Variants in GPAT3 observed in about 807,000 individuals in gnomAD.
The protein encoded by GPAT3 is 1-AGP acyltransferase 9.
GPAT3 carries 53 observed loss-of-function variants against 58.8 expected under a neutral mutation model. The ratio of observed to expected loss-of-function variants is 0.90; its 90% CI spans 0.72 to 1.13. The LOEUF (loss-of-function observed/expected upper bound fraction) is 1.13, where lower values mean the gene tolerates loss of function less well. GPAT3 is among the 50% of genes most tolerant of loss of function. GPAT3 has a pLI of 0.00. For synonymous variants in GPAT3, 197 were observed against 187.4 expected, an observed-to-expected ratio of 1.05 and a Z score of -0.42; for missense variants, 511 against 527.6, an observed-to-expected ratio of 0.97 and a Z score of 0.31.
In GPAT3 at chr4:83,604,771, G is replaced by A; in HGVS notation, c.*4G>A. On this transcript the variant is annotated 3_prime_UTR_variant, in exon 12 of 12. Transcript: ENST00000264409. ...GGGCAATGGATCTCTCAGCTAAGAGGACGGATGACAGCCTTTAGATCTAGA... is the reference window on the plus strand; with the variant it reads ...GGGCAATGGATCTCTCAGCTAAGAGAACGGATGACAGCCTTTAGATCTAGA... The A allele has an allele frequency of 5.0e-6, 8 of 1,612,122 alleles. No individual in the cohort carries two copies. The highest frequency in any genetic ancestry group is 6.8e-6 in the Non-Finnish European group (8 of 1,178,390).
chr4:83,566,803 TTTC>T (rs1725411125), intron 2 of GPAT3, among the ~76,000 whole-genome samples: 1 of 151,818 alleles, frequency 6.6e-6, no homozygotes, highest in Non-Finnish European at 1.5e-5. Flanking sequence ...CTTTTTTTTT[TTTC>T]CCCATTTGTT....
intron 2 of GPAT3, among the ~76,000 whole-genome samples, chr4:83,558,841 A>T (rs1277432139): frequency 1.3e-5 from 2 of 152,136 alleles, no homozygotes; most frequent in Non-Finnish European, 2.9e-5. Flanking sequence ...TGGTTAAGAG[A>T]TCTGTGAATC....
intron 3 of GPAT3, among the ~76,000 whole-genome samples, chr4:83,586,914 T>C (rs1196022439): frequency 6.6e-6 from 1 of 152,238 alleles, no homozygotes; most frequent in Non-Finnish European, 1.5e-5. Context: ...CTTAACCCTT[T>C]GGTGATTATA....
rs76529127 is a variant in GPAT3, at chr4:83,553,088, A to G, written c.208+8486A>G. Among the ~76,000 whole-genome samples, 1,104 of 152,360 alleles carry G rather than the reference A, an allele frequency of 7.2e-3. 16 individuals carry two copies. The highest frequency in any genetic ancestry group is 0.025 in the African/African-American group (1,036 of 41,592). ...TACCCAGGCTATGGCACTCTGTTAT[A>G]GCAGCCTGAAGTGACTAAGGCAGTG... On this transcript the variant is annotated intron_variant, in intron 2 of 11. Transcript: ENST00000264409.
At position 83,536,353 on chromosome 4, in the gene GPAT3, C is replaced by T. The variant is rs1724082457; in HGVS notation, c.-270C>T. ...GCTCCGACCACTGGCTCGCGCTACC[C>T]AGGTCTCCGCACGCCGCGGTGGCTT... On this transcript the variant is annotated 5_prime_UTR_variant, in exon 1 of 12. Coordinates refer to ENST00000264409, the MANE Select transcript of GPAT3 (RefSeq NM_032717.5). 9.9e-6 allele frequency: 12 copies of T among 1,209,452 alleles called. No homozygotes were observed. The highest frequency in any genetic ancestry group is 1.2e-5 in the Non-Finnish European group (12 of 969,550). The allele number at this position is 1,209,452 out of a possible 1,614,324, so 74.9% of individuals were successfully genotyped here. A position where few individuals can be genotyped will look rare whatever the true frequency, so the allele number is the denominator to read the frequency against.
chr4:83,542,099 C>T (rs1724326677), intron 1 of GPAT3, among the ~76,000 whole-genome samples: 1 of 152,108 alleles, frequency 6.6e-6, no homozygotes, highest in Non-Finnish European at 1.5e-5. Context: ...CCATAACAGG[C>T]ACGGAATACC....
chr4:83,558,257 C>T (rs1318033938), intron 2 of GPAT3, among the ~76,000 whole-genome samples: 1 of 151,780 alleles, frequency 6.6e-6, no homozygotes, highest in Non-Finnish European at 1.5e-5. Flanking sequence ...GATGAATGAA[C>T]CATCAGAGAG....
At chr4:83,574,881 TG>T (rs1560617896) in intron 2 of GPAT3, among the ~76,000 whole-genome samples, 8 of 99,866 alleles carry the variant, frequency 8.0e-5, no homozygotes, top group African/African-American at 2.4e-4. Context: ...TTTTTTTTTT[TG>T]TTTTTTTTTT....
intron 2 of GPAT3, among the ~76,000 whole-genome samples, chr4:83,550,403 C>CTGA (rs546600558): frequency 1.7e-3 from 260 of 151,590 alleles, no homozygotes; most frequent in East Asian, 3.9e-3. Flanking sequence ...AATATTGTGT[C>CTGA]TGATGATGAT....
rs778000097 is a variant in GPAT3 at position 83,579,081 on chromosome 4, CCCTTCCTT to C, written c.209-2440_209-2433del. Among the ~76,000 whole-genome samples the C allele has an allele frequency of 8.8e-3, 172 of 19,656 alleles. 3 individuals carry two copies. Among genetic ancestry groups the C allele is most frequent in the South Asian group, 0.015 (5 of 338 alleles). The allele number at this position is 19,656 out of a possible 152,430, so 12.9% of individuals were successfully genotyped here. On this transcript the variant is annotated intron_variant, in intron 2 of 11. Transcript: ENST00000264409. ...TTCTTTCTTTCTTTCTTTCTTTCTT[CCCTTCCTT>C]CCTTCCTTCCTTCCTTCCTTCCTTC...
chr4:83,537,186 C>G (rs1724130285), intron 1 of GPAT3, among the ~76,000 whole-genome samples: 2 of 152,216 alleles, frequency 1.3e-5, no homozygotes, highest in Non-Finnish European at 2.9e-5. Context: ...GCATCCAGTT[C>G]AGAAAGGCAT....
chr4:83,558,964 A>G (rs1725034097), intron 2 of GPAT3, among the ~76,000 whole-genome samples: 1 of 152,246 alleles, frequency 6.6e-6, no homozygotes. Context: ...ACATTTTCTC[A>G]AATTCTTAAG....
chr4:83,554,245 G>C (rs1207859302), intron 2 of GPAT3, among the ~76,000 whole-genome samples: 1 of 152,008 alleles, frequency 6.6e-6, no homozygotes, highest in Non-Finnish European at 1.5e-5. Flanking sequence ...CTCTTGCCTT[G>C]GCCTCCCAGA....
At chr4:83,547,377 C>T (rs915609918) in intron 2 of GPAT3, among the ~76,000 whole-genome samples, 58 of 151,076 alleles carry the variant, frequency 3.8e-4, no homozygotes, top group Middle Eastern at 3.4e-3. Context: ...CTCAGCCTCC[C>T]GAGTAGCTGG....
chr4:83,590,257 G>A lies in GPAT3; in HGVS notation c.703G>A (p.Val235Ile). The stretch of plus-strand genomic sequence containing the variant: ...TGCCAACCATACTTCCCCCATTGAT[G>A]TTTTAATCTTGACAACGGATGGATG... ...CVANHTSPID[V>I]LILTTDGCYA... The change falls in exon 6 of 12, where the codon GTT becomes ATT. Residue 235 changes from valine to isoleucine, a missense_variant. Coordinates refer to ENST00000264409, the MANE Select transcript of GPAT3 (RefSeq NM_032717.5). 5 of 1,613,828 alleles carry A rather than the reference G, an allele frequency of 3.1e-6. No individual in the cohort carries two copies. Among genetic ancestry groups the A allele is most frequent in the Non-Finnish European group, 4.2e-6 (5 of 1,179,836 alleles).
intron 2 of GPAT3, among the ~76,000 whole-genome samples, chr4:83,569,856 T>G (rs1273153544): frequency 4.6e-5 from 7 of 152,090 alleles, no homozygotes; most frequent in Admixed American, 2.6e-4. Context: ...AAAGGGTGAA[T>G]TGTGTCACAA....
intron 4 of GPAT3, 69 bp downstream of exon 4, chr4:83,587,398 A>G (rs1726417002): frequency 1.5e-6 from 2 of 1,346,736 alleles, no homozygotes; most frequent in Non-Finnish European, 2.1e-6. Context: ...CACAAAGAGA[A>G]TATTTGTTTG....
At chr4:83,574,931 A>G (rs1280443866) in intron 2 of GPAT3, among the ~76,000 whole-genome samples, 1 of 134,318 alleles carries the variant, frequency 7.4e-6, no homozygotes, top group African/African-American at 2.8e-5. Flanking sequence ...GCCGGAGTGC[A>G]GTGGCGCGAT....
intron 2 of GPAT3, among the ~76,000 whole-genome samples, chr4:83,579,089 T>C (rs865984387): frequency 1.9e-4 from 17 of 91,754 alleles, no homozygotes; most frequent in East Asian, 3.7e-4. Context: ...TTCCCTTCCT[T>C]CCTTCCTTCC....
Sources: gnomAD v4.1 joint callset for allele counts (sites outside exome capture counted in the v4.1 genomes callset) on GRCh38, gnomAD v4.1.1 for gene constraint, MANE v1.5 for transcripts, NCBI Gene and HGNC (gene_info 2026-07-23, HGNC 2026-07-21) for gene names.